Variants in PDCD1LG2 observed in about 807,000 individuals in gnomAD.
The protein encoded by PDCD1LG2 is programmed cell death 1 ligand 2.
A neutral mutation model predicts 28.2 loss-of-function variants in PDCD1LG2; 32 were observed. The observed-to-expected ratio is 1.13, with a 90% CI of 0.86 to 1.52. The LOEUF is 1.52. Ranked by LOEUF, PDCD1LG2 falls within the 40% of genes most tolerant of loss-of-function variation. The pLI, the probability that PDCD1LG2 is intolerant of heterozygous loss-of-function variation, is 0.00. For synonymous variants in PDCD1LG2, 116 were observed against 120.2 expected (o/e 0.97, Z 0.23); for missense variants, 385 against 323.8 (o/e 1.19, Z -1.45).
intron 1 of PDCD1LG2, among the ~76,000 whole-genome samples, chr9:5,518,997 A>G (rs1820222274): frequency 6.6e-6 from 1 of 152,276 alleles, no homozygotes; most frequent in East Asian, 1.9e-4. Context: ...TCGTTGAAAA[A>G]AGTATGTTGT....
chr9:5,541,993 C>A (rs892018845), intron 3 of PDCD1LG2, among the ~76,000 whole-genome samples: 2 of 152,036 alleles, frequency 1.3e-5, no homozygotes, highest in African/African-American at 2.4e-5. Flanking sequence ...GCACATAGAC[C>A]AATGGAACAA....
intron 4 of PDCD1LG2, 151 bp downstream of exon 4, chr9:5,549,755 C>A: frequency 3.0e-6 from 3 of 986,462 alleles, no homozygotes; most frequent in Non-Finnish European, 4.4e-6. Flanking sequence ...TAGTGCAGAA[C>A]ACTGGGGCTT....
At chr9:5,537,563 G>T (rs1820604773) in intron 3 of PDCD1LG2, among the ~76,000 whole-genome samples, 1 of 152,184 alleles carries the variant, frequency 6.6e-6, no homozygotes, top group Admixed American at 6.5e-5. Context: ...AAAATGATGA[G>T]TTCATGTCCT....
intron 1 of PDCD1LG2, among the ~76,000 whole-genome samples, chr9:5,513,893 A>C (rs1454479914): frequency 6.6e-6 from 1 of 152,218 alleles, no homozygotes; most frequent in Non-Finnish European, 1.5e-5. Context: ...TCAAATTCAG[A>C]TTATGTTCAG....
chr9:5,516,893 A>G (rs1465123472), intron 1 of PDCD1LG2, among the ~76,000 whole-genome samples: 1 of 152,140 alleles, frequency 6.6e-6, no homozygotes, highest in Non-Finnish European at 1.5e-5. Flanking sequence ...GGCCCCTGAG[A>G]GTACAGAGAT....
Position 5,571,140 on chromosome 9 carries a change from T to C in PDCD1LG2, c.*1181T>C, listed in dbSNP as rs1163101423. 1 of 232,846 alleles carries C rather than the reference T, an allele frequency of 4.3e-6. No homozygotes were observed. The highest frequency in any genetic ancestry group is 6.1e-5 in the East Asian group (1 of 16,504). 14.4% of individuals were successfully genotyped at this position (232,846 alleles called of 1,614,324 possible). A position where few individuals can be genotyped will look rare whatever the true frequency, so the allele number is the denominator to read the frequency against. On this transcript the variant is annotated 3_prime_UTR_variant, in exon 7 of 7. Transcript: ENST00000397747. ...TTAACTGAGCAAAATTTGGGGCTTA[T>C]GAGAATGAAAGGGTGTGAAATTGAC...
chr9:5,529,497 T>A (rs1250124481), intron 2 of PDCD1LG2, among the ~76,000 whole-genome samples: 2 of 152,236 alleles, frequency 1.3e-5, no homozygotes, highest in Admixed American at 1.3e-4. Flanking sequence ...TTTTGTTCCA[T>A]TAACTTATGT....
At chr9:5,555,922 T>A (rs1354486355) in intron 4 of PDCD1LG2, among the ~76,000 whole-genome samples, 1 of 152,150 alleles carries the variant, frequency 6.6e-6, no homozygotes, top group South Asian at 2.1e-4. Context: ...AAAGAAAGAA[T>A]GGATTAACCA....
chr9:5,554,422 C>T (rs1816395858), intron 4 of PDCD1LG2, among the ~76,000 whole-genome samples: 1 of 152,214 alleles, frequency 6.6e-6, no homozygotes, highest in South Asian at 2.1e-4. Context: ...TTCTCAAGGG[C>T]ATTTTTAAGT....
At chr9:5,539,607 G>A (rs1027912894) in intron 3 of PDCD1LG2, among the ~76,000 whole-genome samples, 2 of 152,178 alleles carry the variant, frequency 1.3e-5, no homozygotes, top group Admixed American at 1.3e-4. Flanking sequence ...ACATTTCTGG[G>A]GGCAATCCAT....
chr9:5,569,900 A>G lies in PDCD1LG2; in HGVS notation c.817-54A>G. 1.3e-6 allele frequency: 2 copies of G among 1,586,350 alleles called. No individual in the cohort carries two copies. The highest frequency in any genetic ancestry group is 1.7e-6 in the Non-Finnish European group (2 of 1,156,692). ...CTCACTCAAATTTTGGGGAGGTTAT[A>G]TATTTTCTAATCATAAAAAATGATT... On this transcript the variant is annotated intron_variant, in intron 6 of 6. Transcript: ENST00000397747. The surrounding 1 kb of genome is among the most constrained non-coding windows in gnomAD (Gnocchi z 4.1).
At chr9:5,560,632 G>A (rs1038239572) in intron 5 of PDCD1LG2, among the ~76,000 whole-genome samples, 1 of 151,210 alleles carries the variant, frequency 6.6e-6, no homozygotes, top group South Asian at 2.1e-4. Context: ...CCCTCATGTT[G>A]AGCCTGGGAC....
chr9:5,546,996 T>G (rs1291092921), intron 3 of PDCD1LG2, among the ~76,000 whole-genome samples: 2 of 152,032 alleles, frequency 1.3e-5, no homozygotes, highest in Non-Finnish European at 2.9e-5. Context: ...CTATAATGAA[T>G]CAAATTGTCA....
intron 6 of PDCD1LG2, among the ~76,000 whole-genome samples, chr9:5,567,927 G>GT (rs1563836011): frequency 6.6e-6 from 1 of 152,144 alleles, no homozygotes; most frequent in African/African-American, 2.4e-5. Flanking sequence ...CAGTCTTTAC[G>GT]TTTTTTGTTT....
chr9:5,534,017 G>T (rs2129787442), intron 2 of PDCD1LG2, among the ~76,000 whole-genome samples: 1 of 151,542 alleles, frequency 6.6e-6, no homozygotes, highest in Admixed American at 6.6e-5. Context: ...TGATGTGGTG[G>T]TTAGAAATAC....
intron 4 of PDCD1LG2, among the ~76,000 whole-genome samples, chr9:5,550,880 G>A (rs1047836041): frequency 8.5e-5 from 13 of 152,096 alleles, no homozygotes; most frequent in Non-Finnish European, 1.9e-4. Flanking sequence ...TTTTAGTAGA[G>A]ATGGGTTTCA....
chr9:5,552,692 A>G (rs1006811839), intron 4 of PDCD1LG2, among the ~76,000 whole-genome samples: 3 of 152,194 alleles, frequency 2.0e-5, no homozygotes, highest in Admixed American at 2.0e-4. Flanking sequence ...TCCACAGACC[A>G]GACTCCAAGA....
At chr9:5,560,230 C>T (rs963337202) in intron 5 of PDCD1LG2, among the ~76,000 whole-genome samples, 1 of 152,170 alleles carries the variant, frequency 6.6e-6, no homozygotes, top group Non-Finnish European at 1.5e-5. Flanking sequence ...CTCAAGTACC[C>T]ACATGCCCAT....
At position 5,549,323 on chromosome 9, in the gene PDCD1LG2, T is replaced by C. The variant is rs2129873425; in HGVS notation, c.362-12T>C. ...AATAAAGTCTTATTTCTTTTTCTTC[T>C]CTATTGTCCAGCTTCCTACAGGAAA... On this transcript the variant is annotated splice_polypyrimidine_tract_variant and intron_variant, in intron 3 of 6. Transcript: ENST00000397747. 1.3e-6 allele frequency: 2 copies of C among 1,596,332 alleles called. No homozygotes were observed. The highest frequency in any genetic ancestry group is 1.7e-6 in the Non-Finnish European group (2 of 1,168,226).
Sources: allele counts gnomAD v4.1 joint callset (sites outside exome capture counted in the v4.1 genomes callset), GRCh38; gene constraint gnomAD v4.1.1; non-coding constraint Gnocchi (gnomAD v3.1); transcripts MANE v1.5; gene names NCBI Gene and HGNC (gene_info 2026-07-23, HGNC 2026-07-21).